The following TTN variants were observed in gnomAD, a reference collection of about 807,000 sequenced individuals.
TTN encodes titin.
Under a neutral mutation model 3,223.0 loss-of-function variants are expected in TTN, and 1,525 were observed. That is an observed-to-expected ratio of 0.47 (90% CI 0.45 to 0.49). The LOEUF is 0.49. TTN is among the 20% of genes least tolerant of loss of function. TTN has a pLI of 0.00. For missense variants in TTN, 40,786 were observed against 43,424.0 expected, an observed-to-expected ratio of 0.94 and a Z score of 5.40; for synonymous variants, 14,094 against 15,161.0, an observed-to-expected ratio of 0.93 and a Z score of 5.17.
Position 178,730,993 on chromosome 2 carries a change from C to T in TTN, c.17672G>A (p.Gly5891Glu), listed in dbSNP as rs1419194917. ...ATTTTGGACCTCGAAAGTATATTCT[C>T]CACTATCTTTCTTTTCTGTAGAAAT... The part of the protein sequence containing the change: ...KIISTEKKDS[G>E]EYTFEVQNDV... Residue 5891 changes from glycine to glutamate, a missense_variant, in exon 60 of 363, where the codon GGA (glycine) becomes GAA (glutamate). Transcript: ENST00000589042. The T allele has an allele frequency of 6.2e-7, 1 of 1,613,478 alleles. No homozygotes were observed.
Position 178,709,865 on chromosome 2 carries a change from A to G in TTN, c.28463-9T>C, listed in dbSNP as rs747595301. On this transcript the variant is annotated splice_polypyrimidine_tract_variant and intron_variant, in intron 98 of 362. Coordinates refer to ENST00000589042, the MANE Select transcript of TTN (RefSeq NM_001267550.2). Reference sequence around the variant, plus strand: ...TGGTGGGATGAGCCGCTCTATAAGAAATTGCAAGGATATATGAAGTAGAAG... The same window carrying G: ...TGGTGGGATGAGCCGCTCTATAAGAGATTGCAAGGATATATGAAGTAGAAG... 6.2e-7 allele frequency: 1 copy of G among 1,604,226 alleles called. No individual in the cohort carries two copies. The highest frequency in any genetic ancestry group is 8.5e-7 in the Non-Finnish European group (1 of 1,174,460).
At chr2:178,719,105 C>A in intron 83 of TTN, 59 bp downstream of exon 83, 1 of 1,554,352 alleles carries the variant, frequency 6.4e-7, no homozygotes, top group South Asian at 1.3e-5. Flanking sequence ...GGAAGGCAGG[C>A]ACCACGTCCA....
At chr2:178,635,865 C>T in intron 226 of TTN, 98 bp downstream of exon 226, 6 of 1,520,638 alleles carry the variant, frequency 3.9e-6, no homozygotes, top group Non-Finnish European at 5.3e-6. Flanking sequence ...CTCTTAGGTA[C>T]AAGATTTCTG....
At chr2:178,756,017 A>G (rs919284807) in intron 46 of TTN, among the ~76,000 whole-genome samples, 15 of 152,204 alleles carry the variant, frequency 9.9e-5, no homozygotes, top group African/African-American at 3.4e-4. Context: ...TTAAAAATTA[A>G]ACTTTCTGAA....
rs555380931 is a variant in TTN, at chr2:178,554,736, A to C, written c.88611T>G (p.Pro29537=). 217 of 1,613,794 alleles carry C rather than the reference A, an allele frequency of 1.3e-4. No homozygotes were observed. The East Asian group carries it at 4.0e-3, about 30-fold the overall frequency. The change falls in exon 332 of 363, where the codon CCT becomes CCG. Residue 29537 remains proline, a synonymous_variant. Transcript: ENST00000589042. ...CAGTCTTAAATTCAATTGGTCCACC[A>C]GGTGGGCCTGGTTTGTCTATCAGTG... The part of the protein sequence containing the change: ...RVQILDKPGP[P]GGPIEFKTVT...
chr2:178,544,166 A>C lies in TTN; in HGVS notation c.96028+35T>G, dbSNP rs775310929. ...TTAATTCATGGACAGGTGTGAGAAG[A>C]AAATAATTCACCTAAAAGCTTCTGT... On this transcript the variant is annotated intron_variant, in intron 345 of 362. Coordinates refer to ENST00000589042, the MANE Select transcript of TTN (RefSeq NM_001267550.2). 8.1e-6 allele frequency: 13 copies of C among 1,605,378 alleles called. No homozygotes were observed. In the Admixed American group the frequency reaches 2.0e-4, roughly 25 times the overall value.
At chr2:178,635,108 G>T in intron 228 of TTN, 57 bp downstream of exon 228, 1 of 1,597,200 alleles carries the variant, frequency 6.3e-7, no homozygotes, top group Middle Eastern at 1.7e-4. Flanking sequence ...TATAGATCCT[G>T]AATATTGGAT....
Position 178,707,804 on chromosome 2 carries a change from T to C in TTN, c.28763A>G (p.Lys9588Arg), listed in dbSNP as rs1236822418. The C allele has an allele frequency of 1.9e-6, 3 of 1,584,726 alleles. No homozygotes were observed. The highest frequency in any genetic ancestry group is 2.3e-5 in the South Asian group (2 of 87,310). ...TSSIVIKEPK[K>R]PPVFDQHLTP... is the part of the protein sequence containing the mutation. The stretch of plus-strand genomic sequence containing the variant: ...AAGGTGCTGATCAAATACAGGTGGC[T>C]TCTTAGGTTCTGGAATTGAAAAGGT... Residue 9588 changes from lysine to arginine, a missense_variant, in exon 100 of 363, where the codon AAG becomes AGG. Coordinates refer to ENST00000589042, the MANE Select transcript of TTN (RefSeq NM_001267550.2).
At chr2:178,599,937 G>A in intron 288 of TTN, 87 bp from the exon 289 acceptor site, 1 of 1,298,924 alleles carries the variant, frequency 7.7e-7, no homozygotes, top group Non-Finnish European at 1.0e-6. Context: ...AAGTTGTTTG[G>A]ATCCACTGTA....
At chr2:178,782,695 A>G in intron 18 of TTN, 93 bp from the exon 19 acceptor site, 2 of 1,604,706 alleles carry the variant, frequency 1.2e-6, no homozygotes, top group Non-Finnish European at 1.7e-6. Context: ...TCTCCCCCCA[A>G]GTTCCAAAAA....
In TTN at chr2:178,553,228, G is replaced by C. The variant is rs758970991; in HGVS notation, c.89672C>G (p.Thr29891Ser). 2 of 1,613,638 alleles carry C rather than the reference G, an allele frequency of 1.2e-6. No homozygotes were observed. Among genetic ancestry groups the C allele is most frequent in the South Asian group, 1.1e-5 (1 of 91,084 alleles). ...GSDARYSIEN[T>S]DSSSLLTIPQ... Reference sequence around the variant, plus strand: ...AATGGTGAGTAATGAGGATGAATCAGTGTTTTCAATGCTGTATCTGGCATC... The same window carrying C: ...AATGGTGAGTAATGAGGATGAATCACTGTTTTCAATGCTGTATCTGGCATC... The change falls in exon 335 of 363, where the codon ACT (threonine) becomes AGT (serine). Residue 29891 changes from threonine (T) to serine (S), a missense_variant. Coordinates refer to ENST00000589042, the MANE Select transcript of TTN (RefSeq NM_001267550.2).
rs771834197 is a variant in TTN, at chr2:178,552,233, C to T, written c.90667G>A (p.Gly30223Ser). The T allele has an allele frequency of 3.1e-6, 5 of 1,613,344 alleles. No individual in the cohort carries two copies. In the East Asian group the frequency reaches 6.7e-5, roughly 22 times the overall value. ...IAVPITVITL[G>S]PPSKPKGPIR... The stretch of plus-strand genomic sequence containing the variant: ...GGTCCTTTGGGCTTTGATGGTGGGC[C>T]AAGGGTGATGACTGTAATGGGGACT... Residue 30223 changes from glycine to serine, a missense_variant, in exon 335 of 363, where the codon GGC becomes AGC. By Grantham distance (56) the Gly-to-Ser change is moderately conservative (BLOSUM62 0). Coordinates refer to ENST00000589042, the MANE Select transcript of TTN (RefSeq NM_001267550.2).
intron 14 of TTN, 45 bp from the exon 15 acceptor site, chr2:178,785,787 C>A (rs1423786126): frequency 6.2e-7 from 1 of 1,614,080 alleles, no homozygotes; most frequent in Non-Finnish European, 8.5e-7. Context: ...CACCAGATGA[C>A]CACAGCAGTG....
chr2:178,597,844 T>G (rs2154190017), intron 293 of TTN, 25 bp from the exon 294 acceptor site: 2 of 1,612,622 alleles, frequency 1.2e-6, no homozygotes, highest in South Asian at 1.1e-5. Flanking sequence ...AAATTACAAA[T>G]GTGATTTTTC....
Position 178,784,259 on chromosome 2 carries a change from A to T in TTN, c.2586T>A (p.Pro862=). The T allele has an allele frequency of 6.2e-7, 1 of 1,614,118 alleles. No individual in the cohort carries two copies. The highest frequency in any genetic ancestry group is 1.1e-5 in the South Asian group (1 of 91,078). Residue 862 remains proline (P), a synonymous_variant, in exon 16 of 363, where the codon CCT becomes CCA. Coordinates refer to ENST00000589042, the MANE Select transcript of TTN (RefSeq NM_001267550.2). ...AQKITKSVKA[P]TVKPSETRVR... ...CTCTAGTCTCACTGGGCTTCACAGT[A>T]GGAGCCTTCACCGATTTGGTGATCT...
rs1368430407 is a variant in TTN, at chr2:178,565,240, A to G, written c.80892T>C (p.Asn26964=). The change falls in exon 326 of 363, where the codon AAT becomes AAC. Residue 26964 remains asparagine, a synonymous_variant. Transcript: ENST00000589042. Reference sequence around the variant, plus strand: ...GCTTTTCTAAAACGATAACACTGAGATTTTCTGTTGCTGTGCCTGCACTAT... The same window carrying G: ...GCTTTTCTAAAACGATAACACTGAGGTTTTCTGTTGCTGTGCCTGCACTAT... ...ATNSAGTATE[N]LSVIVLEKPG... 19 of 1,613,434 alleles carry G rather than the reference A, an allele frequency of 1.2e-5. No individual in the cohort carries two copies. Among genetic ancestry groups the G allele is most frequent in the Non-Finnish European group, 1.4e-5 (17 of 1,179,666 alleles).
chr2:178,651,792 G>A, intron 205 of TTN, 43 bp from the exon 206 acceptor site: 5 of 1,608,042 alleles, frequency 3.1e-6, no homozygotes, highest in Non-Finnish European at 4.2e-6. Context: ...CGAAGATTGA[G>A]AAACAAGACA....
intron 29 of TTN, 31 bp downstream of exon 29, chr2:178,774,890 G>A (rs1413653712): frequency 6.2e-7 from 1 of 1,612,426 alleles, no homozygotes; most frequent in Non-Finnish European, 8.5e-7. Context: ...TAGAGCTTAG[G>A]TAAACAATGA....
rs1486624506 is a variant in TTN, at chr2:178,548,901, C to G, written c.92725G>C (p.Glu30909Gln). 5 of 1,613,764 alleles carry G rather than the reference C, an allele frequency of 3.1e-6. No homozygotes were observed. In the Admixed American group the frequency reaches 8.3e-5, roughly 27 times the overall value. Residue 30909 changes from glutamate (E) to glutamine (Q), a missense_variant, in exon 339 of 363, where the codon GAA becomes CAA. Physicochemically the swap from Glu to Gln is conservative, Grantham distance 29. Coordinates refer to ENST00000589042, the MANE Select transcript of TTN (RefSeq NM_001267550.2). The surrounding 1 kb of genome is among the most constrained non-coding windows in gnomAD (Gnocchi z 4.3). Reference protein sequence around the residue: ...INGAGKGDSCEVTGTIKAVDR... With the variant: ...INGAGKGDSCQVTGTIKAVDR... Reference sequence around the variant, plus strand: ...ACTGCTTTAATTGTGCCAGTCACTTCACAGCTGTCGCCTTTTCCAGCACCA... The same window carrying G: ...ACTGCTTTAATTGTGCCAGTCACTTGACAGCTGTCGCCTTTTCCAGCACCA...
Sources: gnomAD v4.1 joint callset for allele counts (sites outside exome capture counted in the v4.1 genomes callset) on GRCh38, gnomAD v4.1.1 for gene constraint, Gnocchi (gnomAD v3.1) non-coding constraint, MANE v1.5 for transcripts, NCBI Gene and HGNC (gene_info 2026-07-23, HGNC 2026-07-21) for gene names.